SEPTIN9: variants seen among roughly 807,000 people sequenced by gnomAD.
SEPTIN9 encodes the protein septin 9.
A neutral mutation model predicts 56.6 loss-of-function variants in SEPTIN9; 13 were observed. The ratio of observed to expected loss-of-function variants is 0.23; its 90% CI spans 0.15 to 0.37. SEPTIN9 has a LOEUF of 0.37. SEPTIN9 is among the 10% of genes least tolerant of loss of function. The probability of loss-of-function intolerance (pLI) is 1.00; values close to 1 mark genes in which losing one functional copy is unlikely to be tolerated. For missense variants in SEPTIN9, 650 were observed against 823.1 expected, an observed-to-expected ratio of 0.79 and a Z score of 2.57; for synonymous variants, 332 against 334.1, an observed-to-expected ratio of 0.99 and a Z score of 0.07.
In SEPTIN9 at chr17:77,453,097, G is replaced by T. The variant is rs576994786; in HGVS notation, c.722-29047G>T. Among the ~76,000 whole-genome samples the T allele has an allele frequency of 5.9e-5, 9 of 151,892 alleles. No homozygotes were observed. The highest frequency in any genetic ancestry group is 1.3e-4 in the Non-Finnish European group (9 of 67,990). ...CATTGGCCACTTTGTGTTCCCACTA[G>T]CCCCCGCCCCTGTAGGCTGTCATTG... On this transcript the variant is annotated intron_variant, in intron 3 of 11. Coordinates refer to ENST00000427177, the MANE Select transcript of SEPTIN9 (RefSeq NM_001113491.2). This position sits in a 1 kb window ranked among gnomAD's most constrained non-coding sequence, Gnocchi z 4.4.
At chr17:77,370,776 AG>A (rs1440091561) in intron 2 of SEPTIN9, among the ~76,000 whole-genome samples, 1 of 152,100 alleles carries the variant, frequency 6.6e-6, no homozygotes, top group Non-Finnish European at 1.5e-5. Context: ...GCCCTAGAAA[AG>A]GGGGGTGGAG....
chr17:77,293,566 A>G (rs1167028669), intron 1 of SEPTIN9, among the ~76,000 whole-genome samples: 1 of 152,222 alleles, frequency 6.6e-6, no homozygotes, highest in Non-Finnish European at 1.5e-5. Flanking sequence ...TCAGCAGGAA[A>G]TCAAAGTGGT....
intron 6 of SEPTIN9, among the ~76,000 whole-genome samples, 200 bp downstream of exon 6, chr17:77,488,521 C>G (rs1325265281): frequency 1.3e-5 from 2 of 152,186 alleles, no homozygotes; most frequent in Non-Finnish European, 2.9e-5. Flanking sequence ...TCTTGCTGTC[C>G]CCAACTCATC....
chr17:77,341,681 A>C lies in SEPTIN9; in HGVS notation c.76+34484A>C, dbSNP rs1375030552. Among the ~76,000 whole-genome samples, 4 of 151,622 alleles carry C rather than the reference A, an allele frequency of 2.6e-5. No individual in the cohort carries two copies. In the East Asian group the frequency reaches 7.8e-4, roughly 29 times the overall value. ...TCCCAGCTACTGGGGAAGCTGGGGC[A>C]GAAGAGTCGCTTGAACCTGGGAGGT... On this transcript the variant is annotated intron_variant, in intron 2 of 11. Coordinates refer to ENST00000427177, the MANE Select transcript of SEPTIN9 (RefSeq NM_001113491.2).
chr17:77,482,836 C>A (rs577502150), intron 4 of SEPTIN9: 51 of 471,318 alleles, frequency 1.1e-4, no homozygotes, highest in African/African-American at 9.7e-4. Flanking sequence ...CACGGGAGGT[C>A]GTCGATCAGC....
chr17:77,391,032 G>A (rs747520759), intron 2 of SEPTIN9, among the ~76,000 whole-genome samples: 21 of 152,202 alleles, frequency 1.4e-4, no homozygotes, highest in African/African-American at 3.9e-4. Flanking sequence ...AAGGGCCGGC[G>A]GAGGCTGGGG....
chr17:77,424,895 G>T (rs2036844203), intron 3 of SEPTIN9, among the ~76,000 whole-genome samples: 1 of 152,176 alleles, frequency 6.6e-6, no homozygotes, highest in African/African-American at 2.4e-5. Flanking sequence ...GGAAGGAGGG[G>T]CTGGGGGGTA....
chr17:77,328,392 G>T (rs1806872), intron 2 of SEPTIN9, among the ~76,000 whole-genome samples: 31,322 of 152,228 alleles, frequency 0.21, 3,433 homozygotes, highest in Middle Eastern at 0.26. Flanking sequence ...TTGATACGGG[G>T]TCTCACTCCG....
chr17:77,383,725 C>G (rs957730862), intron 2 of SEPTIN9, among the ~76,000 whole-genome samples: 1 of 152,134 alleles, frequency 6.6e-6, no homozygotes, highest in Non-Finnish European at 1.5e-5. Flanking sequence ...AGGGGCTGAG[C>G]GAGGTGTCAG....
chr17:77,302,353 C>T (rs1023081888), intron 1 of SEPTIN9, among the ~76,000 whole-genome samples: 1 of 151,854 alleles, frequency 6.6e-6, no homozygotes, highest in East Asian at 1.9e-4. Context: ...TATCTAGGTT[C>T]CCCAAATTAT....
intron 2 of SEPTIN9, among the ~76,000 whole-genome samples, chr17:77,337,894 T>C (rs968615451): frequency 3.3e-5 from 5 of 152,198 alleles, no homozygotes; most frequent in African/African-American, 9.6e-5. Flanking sequence ...GGTTTCCCAG[T>C]ACATATAAAA....
chr17:77,441,195 T>C (rs1028275509), intron 3 of SEPTIN9, among the ~76,000 whole-genome samples: 2 of 152,178 alleles, frequency 1.3e-5, no homozygotes, highest in African/African-American at 4.8e-5. Flanking sequence ...GTGACACTTT[T>C]GCCTGCCCTG....
At chr17:77,440,089 C>T (rs1261803939) in intron 3 of SEPTIN9, among the ~76,000 whole-genome samples, 1 of 152,120 alleles carries the variant, frequency 6.6e-6, no homozygotes, top group African/African-American at 2.4e-5. Flanking sequence ...CCTCCAGTTC[C>T]CATTTGTAAC....
intron 1 of SEPTIN9, among the ~76,000 whole-genome samples, chr17:77,292,329 G>A (rs1156385860): frequency 2.6e-5 from 4 of 152,130 alleles, no homozygotes; most frequent in East Asian, 3.8e-4. Context: ...ACATCCCTGT[G>A]TTATACTCTG....
intron 4 of SEPTIN9, among the ~76,000 whole-genome samples, chr17:77,486,945 G>A (rs1003115621): frequency 1.3e-5 from 2 of 152,212 alleles, no homozygotes; most frequent in African/African-American, 4.8e-5. Flanking sequence ...CAGGTGACTT[G>A]CCCAGGCCCT....
At chr17:77,490,214 G>A (rs1406484606) in intron 7 of SEPTIN9, among the ~76,000 whole-genome samples, 10 of 152,302 alleles carry the variant, frequency 6.6e-5, no homozygotes, top group African/African-American at 2.2e-4. Flanking sequence ...GGGGAAGATG[G>A]TGCCCCAGTT....
At chr17:77,291,039 T>C in intron 1 of SEPTIN9, among the ~76,000 whole-genome samples, 1 of 140,582 alleles carries the variant, frequency 7.1e-6, no homozygotes, top group East Asian at 2.1e-4. Context: ...TAATTTTTTT[T>C]TTTTTTTTTT....
At chr17:77,292,620 A>T (rs1266222748) in intron 1 of SEPTIN9, among the ~76,000 whole-genome samples, 1 of 151,982 alleles carries the variant, frequency 6.6e-6, no homozygotes, top group Non-Finnish European at 1.5e-5. Flanking sequence ...CAGCCTCCCA[A>T]GTAGCTGGGA....
chr17:77,362,870 T>C (rs2034459130), intron 2 of SEPTIN9, among the ~76,000 whole-genome samples: 1 of 152,190 alleles, frequency 6.6e-6, no homozygotes, highest in African/African-American at 2.4e-5. Context: ...AGAAGCAGCC[T>C]CTGAGCTGAG....
Sources: gnomAD v4.1 joint callset for allele counts (sites outside exome capture counted in the v4.1 genomes callset) on GRCh38, gnomAD v4.1.1 for gene constraint, Gnocchi (gnomAD v3.1) non-coding constraint, MANE v1.5 for transcripts, NCBI Gene and HGNC (gene_info 2026-07-23, HGNC 2026-07-21) for gene names.